IL23R: variants seen among roughly 807,000 people sequenced by gnomAD.
IL23R encodes interleukin-23 receptor.
In IL23R, 34 loss-of-function variants were observed where a neutral mutation model predicts 56.9. The observed-to-expected ratio is 0.60, with a 90% CI of 0.45 to 0.80. The LOEUF (loss-of-function observed/expected upper bound fraction) is 0.80, where lower values mean the gene tolerates loss of function less well. IL23R is among the 30% of genes least tolerant of loss of function. IL23R has a pLI of 0.00. For missense variants in IL23R, 635 were observed against 730.0 expected, an observed-to-expected ratio of 0.87 and a Z score of 1.50; for synonymous variants, 230 against 249.2, an observed-to-expected ratio of 0.92 and a Z score of 0.73.
At position 67,220,861 on chromosome 1, in the gene IL23R, C is replaced by A. The variant is rs191525700; in HGVS notation, c.955+1131C>A. On this transcript the variant is annotated intron_variant, in intron 7 of 10. Coordinates refer to ENST00000347310, the MANE Select transcript of IL23R (RefSeq NM_144701.3). ...TCAAGCAATCCTCCTGCCTCAGCCT[C>A]CCAAGTGGCTCAGACTACAGATGCG... is the stretch of plus-strand genomic sequence containing the variant. Among the ~76,000 whole-genome samples, 127 of 152,310 alleles carry A rather than the reference C, an allele frequency of 8.3e-4. No homozygotes were observed. The South Asian group carries it at 0.013, about 16-fold the overall frequency.
upstream of IL23R, among the ~76,000 whole-genome samples, chr1:67,163,909 C>T (rs1274495884): frequency 2.0e-5 from 3 of 152,222 alleles, no homozygotes; most frequent in Non-Finnish European, 4.4e-5. Flanking sequence ...CTAATACACT[C>T]CTAGAATAAA....
chr1:67,238,148 G>C (rs1400543229), intron 8 of IL23R, among the ~76,000 whole-genome samples: 1 of 152,028 alleles, frequency 6.6e-6, no homozygotes, highest in Non-Finnish European at 1.5e-5. Context: ...AGGAGTTTGA[G>C]ACCAGCCTGC....
At chr1:67,254,193 C>T (rs1652815150) in intron 9 of IL23R, among the ~76,000 whole-genome samples, 1 of 151,962 alleles carries the variant, frequency 6.6e-6, no homozygotes, top group Non-Finnish European at 1.5e-5. Flanking sequence ...CTCAGCCTCC[C>T]AAGTAGCTAG....
At chr1:67,195,261 G>T (rs1013334728) in intron 4 of IL23R, among the ~76,000 whole-genome samples, 8 of 152,154 alleles carry the variant, frequency 5.3e-5, no homozygotes, top group African/African-American at 1.9e-4. Flanking sequence ...TCAAACTCCT[G>T]ACCTCAAGTG....
In IL23R at chr1:67,219,615, A is replaced by G; in HGVS notation, c.840A>G (p.Ser280=). The G allele has an allele frequency of 6.2e-7, 1 of 1,614,094 alleles. No homozygotes were observed. Among genetic ancestry groups the G allele is most frequent in the Non-Finnish European group, 8.5e-7 (1 of 1,179,940 alleles). Residue 280 remains serine, a synonymous_variant, in exon 7 of 11, where the codon TCA becomes TCG. Coordinates refer to ENST00000347310, the MANE Select transcript of IL23R (RefSeq NM_144701.3). ...FDTNFTYVQQ[S]EFYLEPNIKY... The stretch of plus-strand genomic sequence containing the variant: ...CCAATTTTACATATGTGCAACAGTC[A>G]GAATTCTACTTGGAGCCAAACATTA...
At chr1:67,260,252 C>G (rs139662115), downstream of IL23R, among the ~76,000 whole-genome samples, 14 of 152,120 alleles carry the variant, frequency 9.2e-5, no homozygotes, top group South Asian at 2.1e-4. Context: ...TCACTTAAGT[C>G]AAGAGTGATG....
chr1:67,177,586 G>C (rs914419656), intron 3 of IL23R, among the ~76,000 whole-genome samples: 13 of 151,626 alleles, frequency 8.6e-5, no homozygotes, highest in East Asian at 3.9e-4. Context: ...CACTCTGATG[G>C]TAGTTTCTTT....
At position 67,259,055 on chromosome 1, in the gene IL23R, C is replaced by T; in HGVS notation, c.1817C>T (p.Pro606Leu). ...SCLGIVNEEL[P>L]SINTYFPQNI... ...TTGGGGATCGTGAATGAGGAGTTGC[C>T]ATCTATTAATACTTATTTTCCACAA... Residue 606 changes from proline to leucine, a missense_variant, in exon 11 of 11, where the codon CCA becomes CTA. Physicochemically the swap from Pro to Leu is moderately conservative, Grantham distance 98. Coordinates refer to ENST00000347310, the MANE Select transcript of IL23R (RefSeq NM_144701.3). The T allele has an allele frequency of 6.2e-7, 1 of 1,613,804 alleles. No individual in the cohort carries two copies. Among genetic ancestry groups the T allele is most frequent in the South Asian group, 1.1e-5 (1 of 91,070 alleles).
chr1:67,251,844 C>A (rs577939262), intron 9 of IL23R, among the ~76,000 whole-genome samples: 57 of 152,260 alleles, frequency 3.7e-4, no homozygotes, highest in Non-Finnish European at 7.8e-4. Context: ...CTCTAAAGTA[C>A]TTAATTTTGA....
chr1:67,207,314 AGC>A lies in IL23R; in HGVS notation c.798+260_798+261del, dbSNP rs1042715503. The A allele has an allele frequency of 9.4e-6, 5 of 531,202 alleles. No homozygotes were observed. The African/African-American group carries it at 9.5e-5, about 10-fold the overall frequency. 32.9% of individuals were successfully genotyped at this position (531,202 alleles called of 1,614,324 possible). A position where few individuals can be genotyped will look rare whatever the true frequency, so the allele number is the denominator to read the frequency against. Reference sequence around the variant, plus strand: ...GATTGATCCTGTCACCCAGGTGCTAAGCATAGTTACCAATAATTTGCTTTTCA... The same window carrying A: ...GATTGATCCTGTCACCCAGGTGCTAAATAGTTACCAATAATTTGCTTTTCA... On this transcript the variant is annotated intron_variant, in intron 6 of 10. Transcript: ENST00000347310.
At chr1:67,252,674 G>T (rs941427670) in intron 9 of IL23R, among the ~76,000 whole-genome samples, 1 of 151,758 alleles carries the variant, frequency 6.6e-6, no homozygotes, top group Non-Finnish European at 1.5e-5. Context: ...ACACCATCTA[G>T]TAAAAGAAAA....
intron 3 of IL23R, among the ~76,000 whole-genome samples, chr1:67,180,381 T>C (rs1404008136): frequency 3.9e-4 from 59 of 151,876 alleles, no homozygotes; most frequent in Admixed American, 2.6e-4. Context: ...TAATGGCCTT[T>C]TTTGTCTCTT....
chr1:67,263,112 C>CT (rs66482004), downstream of IL23R, among the ~76,000 whole-genome samples: 37,574 of 97,514 alleles, frequency 0.39, 7,998 homozygotes, highest in East Asian at 0.68. Context: ...AATTTCTTTC[C>CT]TTTTTTTTTT....
intron 1 of IL23R, among the ~76,000 whole-genome samples, chr1:67,140,319 TAAACTTGG>T (rs1646624998): frequency 6.6e-6 from 1 of 152,180 alleles, no homozygotes; most frequent in African/African-American, 2.4e-5. Flanking sequence ...TAAGATAGGT[TAAACTTGG>T]AAATGTGTAT....
chr1:67,167,347 A>G (rs1646885674), intron 1 of IL23R, among the ~76,000 whole-genome samples: 2 of 152,248 alleles, frequency 1.3e-5, no homozygotes, highest in South Asian at 4.1e-4. Context: ...CTGGGATTAC[A>G]GGCATGAGCC....
rs780100547 is a variant in IL23R at position 67,259,308 on chromosome 1, T to C, written c.*180T>C. 5.5e-5 allele frequency: 35 copies of C among 638,298 alleles called. No individual in the cohort carries two copies. The highest frequency in any genetic ancestry group is 8.2e-5 in the Non-Finnish European group (30 of 364,000). The allele number at this position is 638,298 out of a possible 1,614,324, so 39.5% of individuals were successfully genotyped here. A position where few individuals can be genotyped will look rare whatever the true frequency, so the allele number is the denominator to read the frequency against. On this transcript the variant is annotated 3_prime_UTR_variant, in exon 11 of 11. Coordinates refer to ENST00000347310, the MANE Select transcript of IL23R (RefSeq NM_144701.3). ...ACCTAGGTAGGGGATTGCTGGGCCA[T>C]ATGATAAGCATATGTTTCAGTTCTA... is the stretch of plus-strand genomic sequence containing the variant.
At position 67,146,901 on chromosome 1, in the gene IL23R, G is replaced by C. The variant is rs139658056; in HGVS notation, c.-634+7740G>C. Among the ~76,000 whole-genome samples the C allele has an allele frequency of 3.7e-3, 560 of 152,210 alleles. 4 individuals carry two copies. Among genetic ancestry groups the C allele is most frequent in the African/African-American group, 0.013 (539 of 41,514 alleles). ...CCCCCTTTCCAAGTAGTTGTGGTTG[G>C]ACTGCTGGTTATAGAACATCACTCC... On this transcript the variant is annotated intron_variant, in intron 1 of 10. Coordinates refer to the IL23R transcript ENST00000637002.
At chr1:67,166,242 A>T (rs146506438), upstream of IL23R, among the ~76,000 whole-genome samples, 4 of 152,324 alleles carry the variant, frequency 2.6e-5, no homozygotes, top group East Asian at 7.7e-4. Context: ...TGCCTCTTGG[A>T]TGAGACCATT....
intron 3 of IL23R, among the ~76,000 whole-genome samples, chr1:67,172,948 G>A (rs1383300694): frequency 6.6e-6 from 1 of 152,114 alleles, no homozygotes; most frequent in African/African-American, 2.4e-5. Flanking sequence ...TTAAATGCTA[G>A]AAGTACAAAG....
Sources: gnomAD v4.1 joint callset for allele counts (sites outside exome capture counted in the v4.1 genomes callset) on GRCh38, gnomAD v4.1.1 for gene constraint, MANE v1.5 for transcripts, NCBI Gene and HGNC (gene_info 2026-07-23, HGNC 2026-07-21) for gene names.